Variants in CPNE8 observed in about 807,000 individuals in gnomAD.
The protein encoded by CPNE8 is copine-8.
CPNE8 carries 45 observed loss-of-function variants against 81.5 expected under a neutral mutation model. The ratio of observed to expected loss-of-function variants is 0.55; its 90% CI spans 0.44 to 0.71. The LOEUF is 0.71. Ranked by LOEUF, CPNE8 falls within the 30% of genes least tolerant of loss-of-function variation. CPNE8 has a pLI of 0.00. For synonymous variants in CPNE8, 252 were observed against 226.3 expected (o/e 1.11, Z -1.02); for missense variants, 594 against 672.1 (o/e 0.88, Z 1.28).
At position 38,670,709 on chromosome 12, in the gene CPNE8, G is replaced by A. The variant is rs544326225; in HGVS notation, c.1506+20C>T. 7 of 1,552,814 alleles carry A rather than the reference G, an allele frequency of 4.5e-6. No homozygotes were observed. In the South Asian group the frequency reaches 8.1e-5, roughly 18 times the overall value. On this transcript the variant is annotated intron_variant, in intron 19 of 19. Coordinates refer to ENST00000331366, the MANE Select transcript of CPNE8 (RefSeq NM_153634.3). ...GATATTTTCTAGCAATAGTAAAGTAGGAAAAGGTTTATTTCTTACCTGCAC... is the reference window on the plus strand; with the variant it reads ...GATATTTTCTAGCAATAGTAAAGTAAGAAAAGGTTTATTTCTTACCTGCAC...
intron 3 of CPNE8, among the ~76,000 whole-genome samples, chr12:38,862,715 G>A (rs1015990259): frequency 1.3e-5 from 2 of 152,182 alleles, no homozygotes; most frequent in African/African-American, 2.4e-5. Flanking sequence ...TTGGGAGGCC[G>A]AGGCAGGTGG....
intron 3 of CPNE8, 32 bp downstream of exon 3, chr12:38,872,972 C>G (rs759500258): frequency 1.3e-5 from 17 of 1,262,478 alleles, no homozygotes; most frequent in Non-Finnish European, 1.8e-5. Context: ...TCTTCAAGCC[C>G]AGTGATTTTT....
chr12:38,771,739 G>T (rs1941809008), intron 7 of CPNE8, among the ~76,000 whole-genome samples: 1 of 152,100 alleles, frequency 6.6e-6, no homozygotes, highest in Non-Finnish European at 1.5e-5. Context: ...ATAGAGCCTT[G>T]TGATATTGGC....
At chr12:38,863,955 G>A (rs1157327407) in intron 3 of CPNE8, among the ~76,000 whole-genome samples, 1 of 151,896 alleles carries the variant, frequency 6.6e-6, no homozygotes, top group African/African-American at 2.4e-5. Flanking sequence ...TCAGGAGGCT[G>A]AGGCAGGAGA....
chr12:38,678,622 A>G (rs1939342857), intron 16 of CPNE8, among the ~76,000 whole-genome samples: 1 of 151,978 alleles, frequency 6.6e-6, no homozygotes, highest in African/African-American at 2.4e-5. Context: ...AATAGTATAA[A>G]ACGTATGTCA....
At chr12:38,742,700 A>AAATC (rs1941137823) in intron 10 of CPNE8, among the ~76,000 whole-genome samples, 1 of 139,776 alleles carries the variant, frequency 7.2e-6, no homozygotes, top group Admixed American at 7.7e-5. Flanking sequence ...ATAAATAAAT[A>AAATC]AATAAATAAA....
intron 3 of CPNE8, among the ~76,000 whole-genome samples, chr12:38,853,278 A>C (rs1343692951): frequency 6.6e-6 from 1 of 152,180 alleles, no homozygotes; most frequent in Admixed American, 6.5e-5. Context: ...AAAGGGGTGT[A>C]AAATTTTGAG....
intron 6 of CPNE8, among the ~76,000 whole-genome samples, chr12:38,796,984 A>C (rs980256182): frequency 8.5e-5 from 13 of 152,178 alleles, no homozygotes; most frequent in African/African-American, 2.9e-4. Flanking sequence ...GGCGGCAGCA[A>C]GGCTGGGGGA....
At chr12:38,767,771 T>C (rs1399379957) in intron 7 of CPNE8, 33 bp from the exon 8 acceptor site, 18 of 1,360,748 alleles carry the variant, frequency 1.3e-5, no homozygotes, top group Non-Finnish European at 1.7e-5. Context: ...AGTTCAAGAT[T>C]TGGGCTATAA....
chr12:38,735,461 T>A (rs1940931990), intron 10 of CPNE8, among the ~76,000 whole-genome samples: 1 of 152,022 alleles, frequency 6.6e-6, no homozygotes, highest in Non-Finnish European at 1.5e-5. Flanking sequence ...TGTTTTCCTA[T>A]CACCACAAAA....
chr12:38,665,855 T>C lies in CPNE8; in HGVS notation c.1506+4874A>G, dbSNP rs1202239631. Among the ~76,000 whole-genome samples, 4 of 152,148 alleles carry C rather than the reference T, an allele frequency of 2.6e-5. No homozygotes were observed. In the East Asian group the frequency reaches 7.7e-4, roughly 29 times the overall value. ...AATATTTAATTTCATATCACTATAGTATAAACAGTAAGCAGGATGGTTATT... is the reference window on the plus strand; with the variant it reads ...AATATTTAATTTCATATCACTATAGCATAAACAGTAAGCAGGATGGTTATT... On this transcript the variant is annotated intron_variant, in intron 19 of 19. Transcript: ENST00000331366.
chr12:38,720,100 G>A (rs1940520547), intron 13 of CPNE8, among the ~76,000 whole-genome samples: 1 of 152,124 alleles, frequency 6.6e-6, no homozygotes, highest in Admixed American at 6.5e-5. Flanking sequence ...TCTTATAAAA[G>A]CCTCAAGAAG....
At chr12:38,794,934 C>T (rs536631266) in intron 6 of CPNE8, among the ~76,000 whole-genome samples, 1 of 152,160 alleles carries the variant, frequency 6.6e-6, no homozygotes, top group African/African-American at 2.4e-5. Flanking sequence ...GTCAGTATGG[C>T]TAGAATAAAG....
intron 19 of CPNE8, among the ~76,000 whole-genome samples, chr12:38,666,905 A>C (rs1939067847): frequency 6.6e-6 from 1 of 152,190 alleles, no homozygotes; most frequent in African/African-American, 2.4e-5. Context: ...TGCAATAATC[A>C]AAGTACCTGT....
chr12:38,675,425 T>C (rs1446140774), intron 18 of CPNE8, among the ~76,000 whole-genome samples: 1 of 152,216 alleles, frequency 6.6e-6, no homozygotes, highest in Non-Finnish European at 1.5e-5. Flanking sequence ...GGAGATATTA[T>C]TTTGAGGTAC....
intron 10 of CPNE8, among the ~76,000 whole-genome samples, chr12:38,740,576 C>T (rs1238223322): frequency 2.0e-5 from 3 of 152,084 alleles, no homozygotes; most frequent in African/African-American, 4.8e-5. Flanking sequence ...CCATCAATAC[C>T]TAATTGACAG....
intron 19 of CPNE8, among the ~76,000 whole-genome samples, chr12:38,669,128 T>C (rs1435356642): frequency 6.6e-6 from 1 of 152,168 alleles, no homozygotes; most frequent in East Asian, 1.9e-4. Flanking sequence ...CCAGGTTCTT[T>C]TTCCCAGCTG....
At chr12:38,777,931 C>T (rs573328347) in intron 6 of CPNE8, among the ~76,000 whole-genome samples, 2 of 152,046 alleles carry the variant, frequency 1.3e-5, no homozygotes, top group African/African-American at 2.4e-5. Context: ...CTCATAGGAA[C>T]GTGAACCCTA....
intron 3 of CPNE8, among the ~76,000 whole-genome samples, chr12:38,860,461 G>T (rs1418305229): frequency 1.3e-5 from 2 of 150,742 alleles, no homozygotes; most frequent in Non-Finnish European, 1.5e-5. Flanking sequence ...CCTATTGGTG[G>T]AATTGTAAAA....
Sources: gnomAD v4.1 joint callset for allele counts (sites outside exome capture counted in the v4.1 genomes callset) on GRCh38, gnomAD v4.1.1 for gene constraint, MANE v1.5 for transcripts, NCBI Gene and HGNC (gene_info 2026-07-23, HGNC 2026-07-21) for gene names.